Variants in LRRC4C observed in about 807,000 individuals in gnomAD.
LRRC4C encodes leucine rich repeat containing 4C.
A neutral mutation model predicts 33.6 loss-of-function variants in LRRC4C; 5 were observed. That is an observed-to-expected ratio of 0.15 (90% confidence interval 0.08 to 0.31). The LOEUF is 0.31. LRRC4C is among the 10% of genes least tolerant of loss of function. The pLI, the probability that LRRC4C is intolerant of heterozygous loss-of-function variation, is 1.00. For missense variants in LRRC4C, 560 were observed against 796.7 expected, an observed-to-expected ratio of 0.70 and a Z score of 3.58; for synonymous variants, 329 against 302.0, an observed-to-expected ratio of 1.09 and a Z score of -0.93.
intron 2 of LRRC4C, among the ~76,000 whole-genome samples, chr11:40,746,044 G>A (rs948100944): frequency 6.6e-6 from 1 of 152,144 alleles, no homozygotes; most frequent in Non-Finnish European, 1.5e-5. Flanking sequence ...ACAGAAAAGT[G>A]ATTGCAAATA....
intron 5 of LRRC4C, among the ~76,000 whole-genome samples, chr11:40,186,131 C>A (rs1228551938): frequency 6.6e-6 from 1 of 152,148 alleles, no homozygotes; most frequent in Non-Finnish European, 1.5e-5. Flanking sequence ...CTGGTTCTAC[C>A]TACAGGAGAT....
At chr11:40,273,959 G>C (rs1942900415) in intron 4 of LRRC4C, among the ~76,000 whole-genome samples, 1 of 152,038 alleles carries the variant, frequency 6.6e-6, no homozygotes, top group African/African-American at 2.4e-5. Context: ...TTCCCCACGA[G>C]GTAGGGGGCA....
chr11:40,524,086 TG>T (rs766701898), intron 3 of LRRC4C, among the ~76,000 whole-genome samples: 41 of 152,300 alleles, frequency 2.7e-4, no homozygotes, highest in Non-Finnish European at 4.1e-4. Context: ...GAAAGAGAGA[TG>T]ATTAATTACC....
intron 3 of LRRC4C, among the ~76,000 whole-genome samples, chr11:40,529,829 T>G (rs1421569300): frequency 6.6e-6 from 1 of 152,140 alleles, no homozygotes; most frequent in East Asian, 1.9e-4. Flanking sequence ...AAGAAAAAGA[T>G]TCTAGCTTGA....
chr11:40,627,068 T>C (rs538329036), intron 3 of LRRC4C, among the ~76,000 whole-genome samples: 46 of 130,122 alleles, frequency 3.5e-4, no homozygotes, highest in Non-Finnish European at 6.2e-4. Context: ...AGCTGTCAGC[T>C]ATACTGTTTT....
intron 2 of LRRC4C, among the ~76,000 whole-genome samples, chr11:40,727,997 T>C (rs958161123): frequency 6.6e-6 from 1 of 151,998 alleles, no homozygotes; most frequent in African/African-American, 2.4e-5. Context: ...GAGCCAAGAT[T>C]GTGCCACTGC....
At chr11:40,781,299 G>A (rs950605212) in intron 2 of LRRC4C, among the ~76,000 whole-genome samples, 1 of 152,040 alleles carries the variant, frequency 6.6e-6, no homozygotes, top group Non-Finnish European at 1.5e-5. Context: ...GCATATGACA[G>A]CATATGTGTG....
chr11:41,445,809 C>G (rs1278559471), intron 1 of LRRC4C, among the ~76,000 whole-genome samples: 1 of 150,810 alleles, frequency 6.6e-6, no homozygotes, highest in Non-Finnish European at 1.5e-5. Flanking sequence ...TTTCTTTCTT[C>G]AAATGAAGAT....
At chr11:41,092,381 C>A (rs915155052) in intron 1 of LRRC4C, among the ~76,000 whole-genome samples, 29 of 152,110 alleles carry the variant, frequency 1.9e-4, no homozygotes, top group African/African-American at 6.8e-4. Flanking sequence ...GTGCTCTATG[C>A]CACAGGCACT....
At chr11:40,467,500 GAA>G (rs1952708712) in intron 3 of LRRC4C, among the ~76,000 whole-genome samples, 1 of 152,104 alleles carries the variant, frequency 6.6e-6, no homozygotes, top group South Asian at 2.1e-4. Context: ...GAAGAGGGAA[GAA>G]AAAATTTTTA....
intron 5 of LRRC4C, among the ~76,000 whole-genome samples, chr11:40,211,036 C>G (rs1863565271): frequency 6.6e-6 from 1 of 152,146 alleles, no homozygotes; most frequent in Non-Finnish European, 1.5e-5. Context: ...CTCGGCCTCC[C>G]AAAGTGCTAG....
chr11:40,132,386 A>C (rs1856704834), intron 6 of LRRC4C, among the ~76,000 whole-genome samples: 1 of 152,204 alleles, frequency 6.6e-6, no homozygotes, highest in Non-Finnish European at 1.5e-5. Context: ...CTTAAACACC[A>C]GTACACTGGT....
intron 1 of LRRC4C, among the ~76,000 whole-genome samples, chr11:41,124,737 C>A (rs952000136): frequency 3.9e-5 from 6 of 152,058 alleles, no homozygotes; most frequent in African/African-American, 1.4e-4. Flanking sequence ...TTTCACTCAG[C>A]CTGACAATTT....
At chr11:40,212,457 AAC>A (rs1297813400) in intron 5 of LRRC4C, among the ~76,000 whole-genome samples, 7 of 129,838 alleles carry the variant, frequency 5.4e-5, no homozygotes. Context: ...AGGCAAGACA[AAC>A]ACAAGCAAAA....
intron 5 of LRRC4C, among the ~76,000 whole-genome samples, chr11:40,225,256 T>A (rs2861890): frequency 0.76 from 116,177 of 152,110 alleles, 48,751 homozygotes; most frequent in East Asian, 0.96. Context: ...ACAGGGATGA[T>A]GTGGCCTCTG....
At chr11:40,716,183 C>T (rs1462459110) in intron 2 of LRRC4C, among the ~76,000 whole-genome samples, 1 of 151,858 alleles carries the variant, frequency 6.6e-6, no homozygotes. Context: ...AAATGATTAA[C>T]AAAATTTAGA....
At chr11:41,160,868 C>A (rs1195470385) in intron 1 of LRRC4C, among the ~76,000 whole-genome samples, 1 of 152,056 alleles carries the variant, frequency 6.6e-6, no homozygotes. Context: ...AAGCAAGGAA[C>A]ATTATATTTA....
intron 1 of LRRC4C, among the ~76,000 whole-genome samples, chr11:41,024,907 C>T (rs1371450525): frequency 1.3e-5 from 2 of 151,478 alleles, no homozygotes; most frequent in Non-Finnish European, 3.0e-5. Context: ...GTAATTTTCA[C>T]AATGTTTTAA....
intron 3 of LRRC4C, among the ~76,000 whole-genome samples, chr11:40,375,857 C>T (rs925808308): frequency 6.6e-6 from 1 of 152,094 alleles, no homozygotes; most frequent in African/African-American, 2.4e-5. Context: ...TTTCAAACCC[C>T]AGCTTTCACT....
Sources: gnomAD v4.1 joint callset for allele counts (sites outside exome capture counted in the v4.1 genomes callset) on GRCh38, gnomAD v4.1.1 for gene constraint, MANE v1.5 for transcripts, NCBI Gene and HGNC (gene_info 2026-07-23, HGNC 2026-07-21) for gene names.